The following C4orf50 variants were observed in gnomAD, a reference collection of about 807,000 sequenced individuals.
C4orf50 encodes the protein uncharacterized protein C4orf50.
In C4orf50, 80 loss-of-function variants were observed where a neutral mutation model predicts 77.2. The observed-to-expected ratio is 1.04, with a 90% confidence interval of 0.87 to 1.25. The LOEUF (loss-of-function observed/expected upper bound fraction) is 1.25, where lower values mean the gene tolerates loss of function less well. Ranked by LOEUF, C4orf50 falls within the 50% of genes most tolerant of loss-of-function variation. C4orf50 has a pLI of 0.00. For missense variants in C4orf50, 1,257 were observed against 1,152.9 expected (o/e 1.09, Z -1.31); for synonymous variants, 532 against 465.3 (o/e 1.14, Z -1.84).
At chr4:5,998,551 TCATCCA>T (rs1721697831) in intron 25 of C4orf50, among the ~76,000 whole-genome samples, 1 of 152,176 alleles carries the variant, frequency 6.6e-6, no homozygotes, top group African/African-American at 2.4e-5. Flanking sequence ...GCTGGCGGGA[TCATCCA>T]GTCACTCCTG....
chr4:5,931,744 G>GT (rs1717777319), intron 7 of C4orf50, among the ~76,000 whole-genome samples: 1 of 152,126 alleles, frequency 6.6e-6, no homozygotes, highest in African/African-American at 2.4e-5. Flanking sequence ...AGGCTTCTGA[G>GT]GAGCCTAAGG....
intron 7 of C4orf50, among the ~76,000 whole-genome samples, chr4:5,926,657 GTAC>G (rs1457203312): frequency 2.6e-5 from 4 of 151,990 alleles, no homozygotes; most frequent in Admixed American, 1.3e-4. Context: ...ACCCAGCACA[GTAC>G]CTGTGTCCCC....
At chr4:5,959,409 T>C (rs148207970) in exon 34 of C4orf50, 1 of 1,614,088 alleles carries the variant, frequency 6.2e-7, no homozygotes, top group African/African-American at 1.3e-5. Context: ...TTTATGGACC[T>C]GGGAATTGCT....
intron 28 of C4orf50, among the ~76,000 whole-genome samples, chr4:5,984,517 G>T (rs1019366104): frequency 6.6e-6 from 1 of 152,090 alleles, no homozygotes; most frequent in African/African-American, 2.4e-5. Flanking sequence ...CGGAGAACCA[G>T]AATCTCTTTT....
intron 33 of C4orf50, among the ~76,000 whole-genome samples, chr4:5,964,031 AC>A (rs1315166043): frequency 2.7e-5 from 2 of 73,046 alleles, no homozygotes; most frequent in Admixed American, 2.5e-4. Context: ...CTAGGGGGAA[AC>A]GTTAACAGAA....
At chr4:5,979,562 T>C (rs977841073) in intron 29 of C4orf50, among the ~76,000 whole-genome samples, 1 of 152,258 alleles carries the variant, frequency 6.6e-6, no homozygotes, top group African/African-American at 2.4e-5. Context: ...GGAAAGCTTT[T>C]ATATTTTAGA....
chr4:5,935,503 C>T (rs1484794492), intron 7 of C4orf50, among the ~76,000 whole-genome samples: 1 of 152,112 alleles, frequency 6.6e-6, no homozygotes, highest in Non-Finnish European at 1.5e-5. Context: ...GATAAATCCC[C>T]AGGGCTGGGT....
intron 7 of C4orf50, among the ~76,000 whole-genome samples, chr4:5,909,700 G>T (rs1226977709): frequency 6.6e-6 from 1 of 152,182 alleles, no homozygotes; most frequent in Non-Finnish European, 1.5e-5. Context: ...AGAGATAGGG[G>T]TCTAGTTTCA....
chr4:5,963,705 G>A (rs1197778544), intron 33 of C4orf50, among the ~76,000 whole-genome samples: 1 of 152,188 alleles, frequency 6.6e-6, no homozygotes, highest in African/African-American at 2.4e-5. Flanking sequence ...TCTGAGCAAT[G>A]GCTGCTTTCT....
chr4:6,009,377 A>G lies in C4orf50; in HGVS notation c.427-845T>C, dbSNP rs1462768036. Among the ~76,000 whole-genome samples the G allele has an allele frequency of 1.3e-5, 2 of 152,206 alleles. No homozygotes were observed. The highest frequency in any genetic ancestry group is 2.9e-5 in the Non-Finnish European group (2 of 68,042). On this transcript the variant is annotated intron_variant, in intron 24 of 33. Coordinates refer to ENST00000531445, the Ensembl canonical transcript of C4orf50. The surrounding 1 kb of genome is among the most constrained non-coding windows in gnomAD (Gnocchi z 5.6). Reference sequence around the variant, plus strand: ...ACCTGCCGCTGCTCTTCTGCCGGGGAGCTTCCGGAAAACAAAAACAAACAA... The same window carrying G: ...ACCTGCCGCTGCTCTTCTGCCGGGGGGCTTCCGGAAAACAAAAACAAACAA...
chr4:5,985,074 G>C (rs1720787983), intron 28 of C4orf50, among the ~76,000 whole-genome samples: 1 of 151,988 alleles, frequency 6.6e-6, no homozygotes, highest in African/African-American at 2.4e-5. Flanking sequence ...GAAGACAATG[G>C]AATGAGATCT....
intron 29 of C4orf50, among the ~76,000 whole-genome samples, chr4:5,976,457 GAAAAAAAAAA>G (rs138450804): frequency 9.7e-5 from 9 of 93,102 alleles, no homozygotes; most frequent in East Asian, 9.6e-4. Context: ...CTCTGTCTCG[GAAAAAAAAAA>G]AAAAAAAAAA....
At chr4:5,954,297 G>C (rs934087275), downstream of C4orf50, among the ~76,000 whole-genome samples, 3 of 152,094 alleles carry the variant, frequency 2.0e-5, no homozygotes, top group Admixed American at 6.5e-5. This position sits in a 1 kb window ranked among gnomAD's most constrained non-coding sequence, Gnocchi z 4.7. Flanking sequence ...AAATACCAGG[G>C]ACCCAGCCCC....
At chr4:5,926,828 T>TG (rs1391804189) in intron 7 of C4orf50, among the ~76,000 whole-genome samples, 2 of 152,212 alleles carry the variant, frequency 1.3e-5, no homozygotes, top group Non-Finnish European at 2.9e-5. Flanking sequence ...ACCTGAACTC[T>TG]GGCCCGAGGG....
At chr4:5,964,888 T>G in intron 33 of C4orf50, 136 bp downstream of exon 11, 1 of 656,906 alleles carries the variant, frequency 1.5e-6, no homozygotes. Flanking sequence ...TGTTCGGGAG[T>G]CGATTGTGTT....
chr4:5,955,794 A>G (rs974054595), downstream of C4orf50, among the ~76,000 whole-genome samples: 1 of 152,052 alleles, frequency 6.6e-6, no homozygotes, highest in Admixed American at 6.6e-5. This position sits in a 1 kb window ranked among gnomAD's most constrained non-coding sequence, Gnocchi z 5.1. Flanking sequence ...CCTGCTTGCT[A>G]ACTCCCACCT....
intron 7 of C4orf50, among the ~76,000 whole-genome samples, chr4:5,927,252 C>G (rs891134097): frequency 6.6e-6 from 1 of 152,064 alleles, no homozygotes; most frequent in African/African-American, 2.4e-5. Context: ...CTCAGAGGGT[C>G]ATGTGTGCAA....
intron 7 of C4orf50, among the ~76,000 whole-genome samples, chr4:5,939,588 C>T (rs1718176867): frequency 6.6e-6 from 1 of 152,222 alleles, no homozygotes; most frequent in Non-Finnish European, 1.5e-5. Context: ...CTCTGCTGTT[C>T]AGAGGCTTTC....
intron 26 of C4orf50, among the ~76,000 whole-genome samples, chr4:5,993,541 G>A (rs1188263787): frequency 6.6e-6 from 1 of 152,234 alleles, no homozygotes; most frequent in East Asian, 1.9e-4. Context: ...CTCAAGCCGG[G>A]TGTGGTGGCT....
Sources: gnomAD v4.1 joint callset for allele counts (sites outside exome capture counted in the v4.1 genomes callset) on GRCh38, gnomAD v4.1.1 for gene constraint, Gnocchi (gnomAD v3.1) non-coding constraint, MANE v1.5 for transcripts, NCBI Gene and HGNC (gene_info 2026-07-23, HGNC 2026-07-21) for gene names.